Variants in NCOR1 observed in about 807,000 individuals in gnomAD.
NCOR1 encodes the protein nuclear receptor corepressor 1.
NCOR1 carries 63 observed loss-of-function variants against 288.1 expected under a neutral mutation model. The ratio of observed to expected loss-of-function variants is 0.22; its 90% CI spans 0.18 to 0.27. NCOR1 has a LOEUF of 0.27. Ranked by LOEUF, NCOR1 falls within the 10% of genes least tolerant of loss-of-function variation. The pLI is 1.00. For missense variants in NCOR1, 2,397 were observed against 3,019.2 expected, an observed-to-expected ratio of 0.79 and a Z score of 4.83; for synonymous variants, 1,007 against 1,065.9, an observed-to-expected ratio of 0.94 and a Z score of 1.08.
In NCOR1 at chr17:16,031,247, T is replaced by C. The variant is rs1256571041; in HGVS notation, c.*1049A>G. On this transcript the variant is annotated 3_prime_UTR_variant, in exon 46 of 46. Transcript: ENST00000268712. ...GAAAAAGGACTGTGTTCACCATGAG[T>C]TTTTCAGGATGCAGCATAAAGCTTA... 1 of 197,246 alleles carries C rather than the reference T, an allele frequency of 5.1e-6. No homozygotes were observed. The highest frequency in any genetic ancestry group is 1.0e-5 in the Non-Finnish European group (1 of 95,274). The allele number at this position is 197,246 out of a possible 1,614,324, so 12.2% of individuals were successfully genotyped here.
chr17:16,042,080 C>T (rs2057812878), intron 42 of NCOR1, among the ~76,000 whole-genome samples: 1 of 152,154 alleles, frequency 6.6e-6, no homozygotes, highest in Non-Finnish European at 1.5e-5. Flanking sequence ...GACTCTTACC[C>T]AAGGGCTGAG....
chr17:16,106,573 G>C (rs1301607808), intron 19 of NCOR1, among the ~76,000 whole-genome samples: 1 of 152,092 alleles, frequency 6.6e-6, no homozygotes, highest in Non-Finnish European at 1.5e-5. Flanking sequence ...AAAACAGATA[G>C]AGGAACCCTC....
Position 16,031,238 on chromosome 17 carries a change from C to G in NCOR1, c.*1058G>C. The G allele has an allele frequency of 5.0e-6, 1 of 198,786 alleles. No homozygotes were observed. 12.3% of individuals were successfully genotyped at this position (198,786 alleles called of 1,614,324 possible). ...AGTGATGGGGAAAAAGGACTGTGTT[C>G]ACCATGAGTTTTTCAGGATGCAGCA... On this transcript the variant is annotated 3_prime_UTR_variant, in exon 46 of 46. Coordinates refer to ENST00000268712, the MANE Select transcript of NCOR1 (RefSeq NM_006311.4).
intron 3 of NCOR1, among the ~76,000 whole-genome samples, chr17:16,185,336 T>C (rs976887138): frequency 1.3e-5 from 2 of 152,130 alleles, no homozygotes. Context: ...CTTTTTATTA[T>C]CTATACGTAT....
chr17:16,072,448 G>A (rs545526992), intron 28 of NCOR1, among the ~76,000 whole-genome samples: 1 of 152,184 alleles, frequency 6.6e-6, no homozygotes, highest in Non-Finnish European at 1.5e-5. Flanking sequence ...GGCATCTAAT[G>A]AAAGGTTGAA....
intron 3 of NCOR1, among the ~76,000 whole-genome samples, chr17:16,177,588 ATG>A (rs2084472228): frequency 1.3e-5 from 2 of 152,104 alleles, no homozygotes; most frequent in Admixed American, 1.3e-4. Context: ...ATACTGTTCT[ATG>A]GCCCGAGGGA....
chr17:16,211,742 C>A (rs1005667048), intron 1 of NCOR1, among the ~76,000 whole-genome samples: 2 of 151,660 alleles, frequency 1.3e-5, no homozygotes, highest in African/African-American at 4.8e-5. Flanking sequence ...ACACAAGCTA[C>A]TGGGGTAGGA....
At chr17:16,077,048 C>G (rs998364080) in intron 26 of NCOR1, among the ~76,000 whole-genome samples, 5 of 152,150 alleles carry the variant, frequency 3.3e-5, no homozygotes, top group Admixed American at 3.3e-4. Context: ...CTCTCTACCA[C>G]TTATTCAAGC....
chr17:16,177,416 T>TGCATGCC (rs1347536042), intron 3 of NCOR1, among the ~76,000 whole-genome samples: 1 of 150,580 alleles, frequency 6.6e-6, no homozygotes, highest in African/African-American at 2.5e-5. Flanking sequence ...CAGGAATATA[T>TGCATGCC]TCGCCTCATT....
At position 16,165,106 on chromosome 17, in the gene NCOR1, G is replaced by C. The variant is rs753886331; in HGVS notation, c.491C>G (p.Pro164Arg). The C allele has an allele frequency of 1.9e-6, 3 of 1,609,650 alleles. No individual in the cohort carries two copies. The highest frequency in any genetic ancestry group is 1.3e-5 in the African/African-American group (1 of 74,696). Residue 164 changes from proline (P) to arginine (R), a missense_variant, in exon 5 of 46, where the codon CCA becomes CGA. This residue lies in a region of NCOR1 where 110 missense variants were observed against 123.2 expected (regional missense o/e 0.89). Transcript: ENST00000268712. The stretch of plus-strand genomic sequence containing the variant: ...TGAAGCATTTTGATCATCTCCACAT[G>C]GTTGCCCCGAAATTGGAGAGGATGG... ...EAPSSPISGQPCGDDQNASPS... is the reference protein window; with the variant it reads ...EAPSSPISGQRCGDDQNASPS...
chr17:16,056,214 A>G (rs898206454), intron 40 of NCOR1, among the ~76,000 whole-genome samples: 1 of 150,864 alleles, frequency 6.6e-6, no homozygotes. Context: ...CATGGCTTCC[A>G]TTACTCTGGC....
chr17:16,032,250 A>G lies in NCOR1; in HGVS notation c.*46T>C. 1 of 1,506,754 alleles carries G rather than the reference A, an allele frequency of 6.6e-7. No individual in the cohort carries two copies. The highest frequency in any genetic ancestry group is 1.4e-5 in the African/African-American group (1 of 69,602). 93.3% of individuals were successfully genotyped at this position (1,506,754 alleles called of 1,614,324 possible). On this transcript the variant is annotated 3_prime_UTR_variant, in exon 46 of 46. Coordinates refer to ENST00000268712, the MANE Select transcript of NCOR1 (RefSeq NM_006311.4). The stretch of plus-strand genomic sequence containing the variant: ...TGCTACTAAAAATTAAACCACAAAA[A>G]CTAGAGATCCCTCTCCTGCACCCTG...
At position 16,165,045 on chromosome 17, in the gene NCOR1, A is replaced by C; in HGVS notation, c.552T>G (p.Ser184Arg). ...CAATTTCTCGATCTACACGATCCAT[A>C]CTCTGTATTAACTCTTCCTTTGAGA... ...SKLSKEELIQ[S>R]MDRVDREIAK... Residue 184 changes from serine to arginine, a missense_variant, in exon 5 of 46, where the codon AGT becomes AGG. Ser to Arg is a moderately radical substitution (Grantham distance 110). This residue lies in a region of NCOR1 where 5 missense variants were observed against 32.6 expected (regional missense o/e 0.15). Coordinates refer to ENST00000268712, the MANE Select transcript of NCOR1 (RefSeq NM_006311.4). The C allele has an allele frequency of 6.2e-7, 1 of 1,607,680 alleles. No individual in the cohort carries two copies. The highest frequency in any genetic ancestry group is 8.5e-7 in the Non-Finnish European group (1 of 1,178,082).
chr17:16,070,129 T>C, intron 31 of NCOR1, 36 bp downstream of exon 31: 1 of 1,469,574 alleles, frequency 6.8e-7, no homozygotes, highest in Non-Finnish European at 9.1e-7. Flanking sequence ...TTAAATGCAA[T>C]AAAAAGTATC....
In NCOR1 at chr17:16,061,437, C is replaced by G. The variant is rs760539850; in HGVS notation, c.5845G>C (p.Glu1949Gln). The G allele has an allele frequency of 6.2e-7, 1 of 1,614,216 alleles. No homozygotes were observed. Among genetic ancestry groups the G allele is most frequent in the South Asian group, 1.1e-5 (1 of 91,078 alleles). ...GAGTCTGAACTTTGAGAGCCACGTT[C>G]CCTCGCATCCTTGTCCGAGGCAATT... ...RQIASDKDAR[E>Q]RGSQSSDSSS... The change falls in exon 37 of 46, where the codon GAA becomes CAA. Residue 1949 changes from glutamate to glutamine, a missense_variant. This residue lies in a region of NCOR1 where 1,872 missense variants were observed against 2,187.8 expected (regional missense o/e 0.86). Transcript: ENST00000268712.
At chr17:16,178,498 C>CAAAA (rs564320622) in intron 3 of NCOR1, among the ~76,000 whole-genome samples, 52 of 32,728 alleles carry the variant, frequency 1.6e-3, no homozygotes, top group Middle Eastern at 0.017. Context: ...GACTCCGTCT[C>CAAAA]AAAAAAAAAA....
At chr17:16,142,347 G>A (rs1161822831) in intron 11 of NCOR1, among the ~76,000 whole-genome samples, 1 of 152,026 alleles carries the variant, frequency 6.6e-6, no homozygotes, top group Non-Finnish European at 1.5e-5. Context: ...TTATTTTGAA[G>A]TATACAGCAT....
chr17:16,210,256 T>A (rs1290708244), intron 1 of NCOR1, among the ~76,000 whole-genome samples: 1 of 151,914 alleles, frequency 6.6e-6, no homozygotes, highest in African/African-American at 2.4e-5. Context: ...TGGTGGTGCA[T>A]GCCTGTAATC....
chr17:16,201,935 C>CA (rs201968953), intron 1 of NCOR1, among the ~76,000 whole-genome samples: 2,877 of 151,794 alleles, frequency 0.019, 55 homozygotes, highest in Non-Finnish European at 0.027. Flanking sequence ...ACTAAAAATA[C>CA]AAAAAATACG....
Sources: allele counts gnomAD v4.1 joint callset (sites outside exome capture counted in the v4.1 genomes callset), GRCh38; gene constraint gnomAD v4.1.1; regional missense constraint gnomAD v4.1.1; transcripts MANE v1.5; gene names NCBI Gene and HGNC (gene_info 2026-07-23, HGNC 2026-07-21).